Variants in SGF29 observed in about 807,000 individuals in gnomAD.
SGF29 encodes SAGA-associated factor 29.
SGF29 carries 15 observed loss-of-function variants against 38.1 expected under a neutral mutation model. The observed-to-expected ratio is 0.39, with a 90% CI of 0.26 to 0.61. The LOEUF is 0.61. Ranked by LOEUF, SGF29 falls within the 20% of genes least tolerant of loss-of-function variation. The pLI, the probability that SGF29 is intolerant of heterozygous loss-of-function variation, is 0.49. For missense variants in SGF29, 184 were observed against 394.6 expected (o/e 0.47, Z 4.52); for synonymous variants, 151 against 160.8 (o/e 0.94, Z 0.46).
At chr16:28,580,872 G>A (rs906036320) in intron 1 of SGF29, among the ~76,000 whole-genome samples, 183 bp from the exon 2 acceptor site, 2 of 152,052 alleles carry the variant, frequency 1.3e-5, no homozygotes, top group Admixed American at 6.6e-5. Context: ...TTGTAAAGAC[G>A]GGGTCTCCGT....
intron 1 of SGF29, among the ~76,000 whole-genome samples, chr16:28,565,187 G>T (rs950064402): frequency 6.6e-6 from 1 of 152,072 alleles, no homozygotes; most frequent in Admixed American, 6.6e-5. Flanking sequence ...CCAACTGGAC[G>T]GTGCCCACCC....
chr16:28,579,549 C>T (rs2046913823), intron 1 of SGF29, among the ~76,000 whole-genome samples: 1 of 151,834 alleles, frequency 6.6e-6, no homozygotes, highest in South Asian at 2.1e-4. Flanking sequence ...AGCCACCACG[C>T]CCGGCCCTAA....
In SGF29 at chr16:28,591,584, C is replaced by T; in HGVS notation, c.766-6C>T. Reference sequence around the variant, plus strand: ...GAGCAGCCCCTCCTGTCTGCCTGCCCCACAGCCCCAGGATGACTACTCGGT... The same window carrying T: ...GAGCAGCCCCTCCTGTCTGCCTGCCTCACAGCCCCAGGATGACTACTCGGT... On this transcript the variant is annotated splice_region_variant and splice_polypyrimidine_tract_variant and intron_variant, in intron 9 of 9. Coordinates refer to ENST00000317058, the MANE Select transcript of SGF29 (RefSeq NM_138414.3). 6.2e-7 allele frequency: 1 copy of T among 1,605,322 alleles called. No homozygotes were observed. The highest frequency in any genetic ancestry group is 1.1e-5 in the South Asian group (1 of 90,898).
rs866350613 is a variant in SGF29, at chr16:28,581,727, C to T, written c.75+583C>T. Among the ~76,000 whole-genome samples the T allele has an allele frequency of 1.1e-4, 16 of 151,956 alleles. 1 individual carries two copies. The highest frequency in any genetic ancestry group is 5.9e-4 in the Admixed American group (9 of 15,268). On this transcript the variant is annotated intron_variant, in intron 2 of 9. Transcript: ENST00000317058. ...ATTGTTTTTGTATTTTTAGTAGAGA[C>T]GGGGTTTTGCCATGTTGGCTGTCTC...
chr16:28,570,194 G>T (rs2046856873), intron 1 of SGF29, among the ~76,000 whole-genome samples: 6 of 152,230 alleles, frequency 3.9e-5, no homozygotes, highest in Admixed American at 3.9e-4. Context: ...TGTTGCATGG[G>T]CTGTGCCCAG....
intron 1 of SGF29, among the ~76,000 whole-genome samples, chr16:28,561,163 G>A (rs574257262): frequency 6.6e-6 from 1 of 152,140 alleles, no homozygotes; most frequent in South Asian, 2.1e-4. Context: ...AGGCTGAGTC[G>A]GGAGGATCGC....
At chr16:28,584,772 G>C in intron 2 of SGF29, 141 bp from the exon 3 acceptor site, 1 of 568,800 alleles carries the variant, frequency 1.8e-6, no homozygotes, top group Non-Finnish European at 3.1e-6. Flanking sequence ...CTGGGCGACA[G>C]AGTGAGACTC....
At chr16:28,584,727 TG>T (rs2151652289) in intron 2 of SGF29, among the ~76,000 whole-genome samples, 185 bp from the exon 3 acceptor site, 1 of 148,458 alleles carries the variant, frequency 6.7e-6, no homozygotes, top group South Asian at 2.1e-4. Flanking sequence ...AGGCGGAGCT[TG>T]CAGTGAGCCG....
rs142247567 is a variant in SGF29, at chr16:28,563,338, C to T, written c.-16+9241C>T. 4.1e-3 allele frequency among the ~76,000 whole-genome samples: 626 copies of T among 152,198 alleles called. 3 individuals are homozygous for T. The highest frequency in any genetic ancestry group is 0.014 in the Middle Eastern group (4 of 294). ...AGTTAGATGGTCCACTTTGAAAGTTCGTGGCTGATGGGATCCAGGGATAGC... is the reference window on the plus strand; with the variant it reads ...AGTTAGATGGTCCACTTTGAAAGTTTGTGGCTGATGGGATCCAGGGATAGC... On this transcript the variant is annotated intron_variant, in intron 1 of 9. Transcript: ENST00000317058.
intron 1 of SGF29, among the ~76,000 whole-genome samples, chr16:28,575,919 A>G (rs2046889926): frequency 6.6e-6 from 1 of 151,918 alleles, no homozygotes; most frequent in South Asian, 2.1e-4. Flanking sequence ...CCAAGGCAGG[A>G]GGATTGGTTG....
chr16:28,571,845 C>G (rs974299776), intron 1 of SGF29, among the ~76,000 whole-genome samples: 3 of 152,066 alleles, frequency 2.0e-5, no homozygotes, highest in Non-Finnish European at 4.4e-5. Flanking sequence ...CTGCTAAGTC[C>G]CTGACGCTAC....
At chr16:28,564,735 A>G (rs12930296) in intron 1 of SGF29, among the ~76,000 whole-genome samples, 2 of 13,724 alleles carry the variant, frequency 1.5e-4, no homozygotes, top group African/African-American at 4.5e-4. Flanking sequence ...ATACATATAT[A>G]TGTATATATG....
chr16:28,588,079 C>T (rs562888964), intron 4 of SGF29, among the ~76,000 whole-genome samples: 28 of 152,216 alleles, frequency 1.8e-4, no homozygotes, highest in Non-Finnish European at 3.4e-4. Context: ...AGATTACAGG[C>T]GTGAGCCACC....
intron 1 of SGF29, among the ~76,000 whole-genome samples, chr16:28,567,221 G>C (rs1413673399): frequency 6.6e-6 from 1 of 152,176 alleles, no homozygotes; most frequent in Non-Finnish European, 1.5e-5. Flanking sequence ...TCTGGATAGA[G>C]ATGTTCAACC....
chr16:28,571,049 TC>T (rs1189408270), intron 1 of SGF29, among the ~76,000 whole-genome samples: 1 of 152,114 alleles, frequency 6.6e-6, no homozygotes, highest in African/African-American at 2.4e-5. Flanking sequence ...GTGTTTGTGT[TC>T]CCCTAAAATT....
chr16:28,566,860 A>C (rs1409628125), intron 1 of SGF29, among the ~76,000 whole-genome samples: 1 of 151,996 alleles, frequency 6.6e-6, no homozygotes, highest in African/African-American at 2.4e-5. Flanking sequence ...AGTAGAGACC[A>C]GGTTTCACCA....
At chr16:28,584,424 G>A (rs890577632) in intron 2 of SGF29, among the ~76,000 whole-genome samples, 3 of 151,940 alleles carry the variant, frequency 2.0e-5, no homozygotes, top group Non-Finnish European at 4.4e-5. Flanking sequence ...GGAAACCGAG[G>A]CAGGTGGATC....
intron 1 of SGF29, among the ~76,000 whole-genome samples, chr16:28,578,150 T>A (rs562129092): frequency 6.6e-6 from 1 of 151,324 alleles, no homozygotes; most frequent in East Asian, 1.9e-4. Context: ...CTCTGGGGCC[T>A]GGCCACAATT....
At chr16:28,578,651 T>G (rs2046908208) in intron 1 of SGF29, among the ~76,000 whole-genome samples, 1 of 149,190 alleles carries the variant, frequency 6.7e-6, no homozygotes, top group African/African-American at 2.5e-5. Flanking sequence ...ATCTGATCTC[T>G]GTGAGTAGGA....
Sources: allele counts gnomAD v4.1 joint callset (sites outside exome capture counted in the v4.1 genomes callset), GRCh38; gene constraint gnomAD v4.1.1; transcripts MANE v1.5; gene names NCBI Gene and HGNC (gene_info 2026-07-23, HGNC 2026-07-21).